Variants in ZBTB20 observed in about 807,000 individuals in gnomAD.
The protein encoded by ZBTB20 is zinc finger and BTB domain containing 20.
Under a neutral mutation model 56.9 loss-of-function variants are expected in ZBTB20, and 9 were observed. The observed-to-expected ratio is 0.16, with a 90% CI of 0.10 to 0.28. ZBTB20 has a LOEUF of 0.28. ZBTB20 is among the 10% of genes least tolerant of loss of function. The probability of loss-of-function intolerance (pLI) is 1.00; values close to 1 mark genes in which losing one functional copy is unlikely to be tolerated. For synonymous variants in ZBTB20, 417 were observed against 420.7 expected (o/e 0.99, Z 0.11); for missense variants, 655 against 1,003.0 (o/e 0.65, Z 4.69).
intron 6 of ZBTB20, among the ~76,000 whole-genome samples, chr3:114,646,461 G>A (rs1174880326): frequency 2.6e-5 from 4 of 152,146 alleles, no homozygotes; most frequent in African/African-American, 9.7e-5. Context: ...GAGTGAGAGA[G>A]ACCAGGTTTA....
intron 5 of ZBTB20, among the ~76,000 whole-genome samples, chr3:114,768,220 C>T (rs1003721771): frequency 2.6e-5 from 4 of 151,954 alleles, no homozygotes; most frequent in African/African-American, 9.7e-5. Context: ...CAAGTCAACC[C>T]TTAAGGATCT....
At chr3:115,021,518 C>T (rs1375655082) in intron 2 of ZBTB20, among the ~76,000 whole-genome samples, 1 of 150,840 alleles carries the variant, frequency 6.6e-6, no homozygotes, top group Non-Finnish European at 1.5e-5. Flanking sequence ...TGAAGCTGTT[C>T]TTTTCAATGA....
At chr3:114,832,300 CAGGTTGGACT>C (rs1407982440) in intron 4 of ZBTB20, among the ~76,000 whole-genome samples, 1 of 152,028 alleles carries the variant, frequency 6.6e-6, no homozygotes, top group Non-Finnish European at 1.5e-5. Flanking sequence ...AACAGAAGTG[CAGGTTGGACT>C]ACCTTTTACC....
In ZBTB20 at chr3:114,339,047, C is replaced by T. The variant is rs2079565936; in HGVS notation, c.2184G>A (p.Glu728=). The T allele has an allele frequency of 6.5e-7, 1 of 1,542,476 alleles. No individual in the cohort carries two copies. Among genetic ancestry groups the T allele is most frequent in the South Asian group, 1.3e-5 (1 of 78,676 alleles). ...SVCPAKFDQI[E]QFNDHMRMHV... is the part of the protein sequence containing the mutation. ...GCATCCTCATGTGGTCGTTGAACTGCTCGATTTGGTCAAACTTTGCTGGGC... is the reference window on the plus strand; with the variant it reads ...GCATCCTCATGTGGTCGTTGAACTGTTCGATTTGGTCAAACTTTGCTGGGC... The change falls in exon 12 of 12, where the codon GAG becomes GAA. Residue 728 remains glutamate, a synonymous_variant. Transcript: ENST00000675478. This position sits in a 1 kb window ranked among gnomAD's most constrained non-coding sequence, Gnocchi z 4.2.
At chr3:115,025,574 T>A (rs1012451863) in intron 2 of ZBTB20, among the ~76,000 whole-genome samples, 1 of 150,880 alleles carries the variant, frequency 6.6e-6, no homozygotes, top group Non-Finnish European at 1.5e-5. Flanking sequence ...TTTACATATA[T>A]CAAGAAAAAA....
At chr3:114,811,687 G>C (rs1342634873) in intron 4 of ZBTB20, among the ~76,000 whole-genome samples, 1 of 152,170 alleles carries the variant, frequency 6.6e-6, no homozygotes, top group African/African-American at 2.4e-5. Flanking sequence ...TCTCATTAAA[G>C]TGTCATAACC....
intron 3 of ZBTB20, among the ~76,000 whole-genome samples, chr3:114,961,166 C>A (rs542210491): frequency 3.4e-5 from 5 of 148,594 alleles, no homozygotes; most frequent in South Asian, 2.1e-4. Context: ...GTGGGTCCAG[C>A]GGTTTTAAGA....
intron 5 of ZBTB20, among the ~76,000 whole-genome samples, chr3:114,701,446 A>G (rs2108376850): frequency 6.6e-6 from 1 of 152,302 alleles, no homozygotes; most frequent in Admixed American, 6.5e-5. Context: ...GGGATTGGGG[A>G]GGAAATCATA....
intron 2 of ZBTB20, among the ~76,000 whole-genome samples, chr3:115,024,977 G>T (rs902048421): frequency 6.6e-6 from 1 of 151,062 alleles, no homozygotes; most frequent in African/African-American, 2.4e-5. Flanking sequence ...AGGGGTACAA[G>T]TACATGTTTG....
intron 4 of ZBTB20, among the ~76,000 whole-genome samples, chr3:114,812,863 G>A (rs1475214126): frequency 1.3e-5 from 2 of 152,226 alleles, no homozygotes; most frequent in Non-Finnish European, 2.9e-5. Context: ...GCTAAGGCCC[G>A]GCGAGAAATT....
intron 7 of ZBTB20, among the ~76,000 whole-genome samples, chr3:114,444,984 C>A (rs74465971): frequency 0.037 from 5,694 of 152,162 alleles, 139 homozygotes; most frequent in Non-Finnish European, 0.054. Context: ...GTTGGTTAAC[C>A]CACTCACCCA....
intron 6 of ZBTB20, among the ~76,000 whole-genome samples, chr3:114,682,229 G>A (rs1400653029): frequency 7.2e-5 from 11 of 152,024 alleles, no homozygotes; most frequent in Admixed American, 5.2e-4. Context: ...AACAAAAAGG[G>A]TATATATGCA....
At chr3:114,978,044 A>G (rs1053117636) in intron 2 of ZBTB20, among the ~76,000 whole-genome samples, 3 of 151,310 alleles carry the variant, frequency 2.0e-5, no homozygotes, top group African/African-American at 7.3e-5. Flanking sequence ...AAGGCAGAAA[A>G]CATCTTTAAC....
chr3:114,679,783 G>A (rs552654252), intron 6 of ZBTB20, among the ~76,000 whole-genome samples: 17 of 152,240 alleles, frequency 1.1e-4, no homozygotes, highest in African/African-American at 4.1e-4. Context: ...TCCCATTACT[G>A]GGTATATACC....
chr3:114,422,999 T>G (rs2108834860), intron 7 of ZBTB20, among the ~76,000 whole-genome samples: 1 of 152,302 alleles, frequency 6.6e-6, no homozygotes, highest in Non-Finnish European at 1.5e-5. Flanking sequence ...CATTTGGCAG[T>G]AAGGGCCTAG....
intron 5 of ZBTB20, among the ~76,000 whole-genome samples, chr3:114,757,427 A>G (rs1314584358): frequency 6.6e-6 from 1 of 152,182 alleles, no homozygotes; most frequent in Non-Finnish European, 1.5e-5. Flanking sequence ...TATTTTTAAA[A>G]TCTTGCATAG....
At chr3:114,668,210 T>G (rs2108140158) in intron 6 of ZBTB20, among the ~76,000 whole-genome samples, 1 of 152,184 alleles carries the variant, frequency 6.6e-6, no homozygotes, top group East Asian at 1.9e-4. Context: ...TTAAAGGACC[T>G]TAAAAGATGA....
chr3:114,894,290 T>C (rs1212926198), intron 4 of ZBTB20, among the ~76,000 whole-genome samples: 1 of 152,216 alleles, frequency 6.6e-6, no homozygotes, highest in Non-Finnish European at 1.5e-5. Context: ...CATATATGCA[T>C]ACATATATTG....
intron 5 of ZBTB20, among the ~76,000 whole-genome samples, chr3:114,782,185 C>T (rs536303467): frequency 5.9e-5 from 9 of 152,304 alleles, no homozygotes; most frequent in African/African-American, 2.2e-4. Flanking sequence ...CTTTAACCTG[C>T]TGCTTTGTAA....
Sources: gnomAD v4.1 joint callset for allele counts (sites outside exome capture counted in the v4.1 genomes callset) on GRCh38, gnomAD v4.1.1 for gene constraint, Gnocchi (gnomAD v3.1) non-coding constraint, MANE v1.5 for transcripts, NCBI Gene and HGNC (gene_info 2026-07-23, HGNC 2026-07-21) for gene names.